The following KCNQ1 variants were observed in gnomAD, a reference collection of about 807,000 sequenced individuals.
KCNQ1 encodes the protein potassium voltage-gated channel subfamily Q member 1, also known as potassium voltage-gated channel subfamily KQT member 1.
KCNQ1 carries 49 observed loss-of-function variants against 72.4 expected under a neutral mutation model. That is an observed-to-expected ratio of 0.68 (90% CI 0.54 to 0.86). KCNQ1 has a LOEUF of 0.86. KCNQ1 is among the 40% of genes least tolerant of loss of function. The pLI is 0.00. For synonymous variants in KCNQ1, 450 were observed against 412.6 expected, an observed-to-expected ratio of 1.09 and a Z score of -1.10; for missense variants, 790 against 945.1, an observed-to-expected ratio of 0.84 and a Z score of 2.15.
At position 2,458,783 on chromosome 11, in the gene KCNQ1, C is replaced by A. The variant is rs954245676; in HGVS notation, c.386+13299C>A. 6.6e-6 allele frequency among the ~76,000 whole-genome samples: 1 copy of A among 152,186 alleles called. No individual in the cohort carries two copies. Among genetic ancestry groups the A allele is most frequent in the African/African-American group, 2.4e-5 (1 of 41,446 alleles). On this transcript the variant is annotated intron_variant, in intron 1 of 15. Transcript: ENST00000155840. The surrounding 1 kb of genome is among the most constrained non-coding windows in gnomAD (Gnocchi z 4.6). ...AAATGATACTACAGGAGGCCACTTG[C>A]AGAATCCCAGTGGTGGGGGATGGCT...
Position 2,715,592 on chromosome 11 carries a change from T to TC in KCNQ1, c.1515-53248dup, listed in dbSNP as rs1851079682. Reference sequence around the variant, plus strand: ...TCCTCTTCCACCACCCCTGCTGGGGTCCCCTGGGACCCATCCTTCCAAGCC... The same window carrying TC: ...TCCTCTTCCACCACCCCTGCTGGGGTCCCCCTGGGACCCATCCTTCCAAGCC... On this transcript the variant is annotated intron_variant, in intron 11 of 15. Coordinates refer to ENST00000155840, the MANE Select transcript of KCNQ1 (RefSeq NM_000218.3). This position sits in a 1 kb window ranked among gnomAD's most constrained non-coding sequence, Gnocchi z 4.9. Among the ~76,000 whole-genome samples the TC allele has an allele frequency of 6.6e-6, 1 of 151,874 alleles. No individual in the cohort carries two copies.
At chr11:2,572,155 A>G in intron 5 of KCNQ1, 46 bp downstream of exon 5, 1 of 1,446,138 alleles carries the variant, frequency 6.9e-7, no homozygotes, top group Middle Eastern at 1.8e-4. Flanking sequence ...TGGGGACAGG[A>G]CGGAGGGAGC....
intron 15 of KCNQ1, among the ~76,000 whole-genome samples, chr11:2,801,169 G>C (rs1847255417): frequency 6.6e-6 from 1 of 152,188 alleles, no homozygotes; most frequent in Admixed American, 6.5e-5. Flanking sequence ...TCTTTGCACA[G>C]ACCAGCCCCC....
chr11:2,606,892 A>ATTTTTTTTTT (rs869121696), intron 10 of KCNQ1, among the ~76,000 whole-genome samples: 1 of 82,766 alleles, frequency 1.2e-5, no homozygotes, highest in East Asian at 3.9e-4. Flanking sequence ...ATTATCTGTG[A>ATTTTTTTTTT]TTTTTTTTTT....
At chr11:2,790,599 TG>T (rs1313909934) in intron 15 of KCNQ1, among the ~76,000 whole-genome samples, 2 of 152,204 alleles carry the variant, frequency 1.3e-5, no homozygotes, top group Non-Finnish European at 2.9e-5. Flanking sequence ...AGCCAGTGGC[TG>T]GGGTGCAAGC....
intron 10 of KCNQ1, among the ~76,000 whole-genome samples, chr11:2,605,165 G>T (rs1848862058): frequency 6.6e-6 from 1 of 151,984 alleles, no homozygotes; most frequent in African/African-American, 2.4e-5. Context: ...TGAGTTGAAG[G>T]AGTTATTTAT....
chr11:2,836,596 T>A (rs1020850389), intron 15 of KCNQ1, among the ~76,000 whole-genome samples: 4 of 152,128 alleles, frequency 2.6e-5, no homozygotes, highest in Non-Finnish European at 5.9e-5. Flanking sequence ...TGGGTGGTGA[T>A]GTCAGCAATC....
At chr11:2,798,697 A>G (rs1330066779) in intron 15 of KCNQ1, among the ~76,000 whole-genome samples, 1 of 152,250 alleles carries the variant, frequency 6.6e-6, no homozygotes, top group Non-Finnish European at 1.5e-5. Flanking sequence ...CTGGAAATTA[A>G]TTACCCTTGC....
At position 2,815,028 on chromosome 11, in the gene KCNQ1, A is replaced by G. The variant is rs1286086855; in HGVS notation, c.1795-32739A>G. On this transcript the variant is annotated intron_variant, in intron 15 of 15. Coordinates refer to ENST00000155840, the MANE Select transcript of KCNQ1 (RefSeq NM_000218.3). This position sits in a 1 kb window ranked among gnomAD's most constrained non-coding sequence, Gnocchi z 5.4. ...AGCTTTCCTCATCCCGGCCTCATGC[A>G]CTGTGGGCAGGAGTTGTCCTAGCAA... Among the ~76,000 whole-genome samples, 1 of 152,192 alleles carries G rather than the reference A, an allele frequency of 6.6e-6. No homozygotes were observed. The highest frequency in any genetic ancestry group is 1.5e-5 in the Non-Finnish European group (1 of 68,034).
chr11:2,606,694 G>T, intron 10 of KCNQ1, among the ~76,000 whole-genome samples: 1 of 152,022 alleles, frequency 6.6e-6, no homozygotes, highest in Admixed American at 6.5e-5. Context: ...CACAAAACTG[G>T]ACCAGCACAA....
Position 2,624,882 on chromosome 11 carries a change from T to G in KCNQ1, c.1393+36028T>G, listed in dbSNP as rs1849239071. On this transcript the variant is annotated intron_variant, in intron 10 of 15. Coordinates refer to ENST00000155840, the MANE Select transcript of KCNQ1 (RefSeq NM_000218.3). This position sits in a 1 kb window ranked among gnomAD's most constrained non-coding sequence, Gnocchi z 4.9. ...CTGTATTTCATTTAACATAATGGCC[T>G]CGAGGTTCATCCATGTTGTGGCATG... is the stretch of plus-strand genomic sequence containing the variant. 5.0e-6 allele frequency: 2 copies of G among 398,614 alleles called. No homozygotes were observed. The allele number at this position is 398,614 out of a possible 1,614,324, so 24.7% of individuals were successfully genotyped here. A position where few individuals can be genotyped will look rare whatever the true frequency, so the allele number is the denominator to read the frequency against.
intron 10 of KCNQ1, among the ~76,000 whole-genome samples, chr11:2,606,101 A>G (rs754911550): frequency 6.6e-6 from 1 of 152,226 alleles, no homozygotes; most frequent in Non-Finnish European, 1.5e-5. Context: ...CATTAGGTAA[A>G]TTCGCACTGT....
rs1361072743 is a variant in KCNQ1, at chr11:2,677,934, T to C, written c.1514+15853T>C. 2 of 398,466 alleles carry C rather than the reference T, an allele frequency of 5.0e-6. No individual in the cohort carries two copies. Among genetic ancestry groups the C allele is most frequent in the Non-Finnish European group, 4.4e-6 (1 of 226,042 alleles). The allele number at this position is 398,466 out of a possible 1,614,324, so 24.7% of individuals were successfully genotyped here. On this transcript the variant is annotated intron_variant, in intron 11 of 15. Coordinates refer to ENST00000155840, the MANE Select transcript of KCNQ1 (RefSeq NM_000218.3). This position sits in a 1 kb window ranked among gnomAD's most constrained non-coding sequence, Gnocchi z 4.5. ...CAGGTTTTTATCTTCATTCATTTCA[T>C]AGATGAGAAATGGTACACTGGAGCT... is the stretch of plus-strand genomic sequence containing the variant.
Position 2,679,882 on chromosome 11 carries a change from C to T in KCNQ1, c.1514+17801C>T, listed in dbSNP as rs1476964244. On this transcript the variant is annotated intron_variant, in intron 11 of 15. Transcript: ENST00000155840. The surrounding 1 kb of genome is among the most constrained non-coding windows in gnomAD (Gnocchi z 4.8). The stretch of plus-strand genomic sequence containing the variant: ...TTCATATAAACTTAGAACTAGCACG[C>T]CTAATTTTTTTTTTATTTTTATTTT... 5.0e-6 allele frequency: 2 copies of T among 398,148 alleles called. No homozygotes were observed. Among genetic ancestry groups the T allele is most frequent in the Middle Eastern group, 6.3e-4 (1 of 1,588 alleles). The allele number at this position is 398,148 out of a possible 1,614,324, so 24.7% of individuals were successfully genotyped here.
rs1848235533 is a variant in KCNQ1, at chr11:2,565,564, A to G, written c.478-5064A>G. Among the ~76,000 whole-genome samples the G allele has an allele frequency of 6.6e-6, 1 of 152,184 alleles. No individual in the cohort carries two copies. The highest frequency in any genetic ancestry group is 6.5e-5 in the Admixed American group (1 of 15,282). ...CACGCCCCAGGATGGACATGGATTC[A>G]CACTCATGGTAGAACAGAGCTGAGG... On this transcript the variant is annotated intron_variant, in intron 2 of 15. Coordinates refer to ENST00000155840, the MANE Select transcript of KCNQ1 (RefSeq NM_000218.3). The surrounding 1 kb of genome is among the most constrained non-coding windows in gnomAD (Gnocchi z 5.6).
Position 2,544,674 on chromosome 11 carries a change from C to T in KCNQ1, c.477+16656C>T, listed in dbSNP as rs1847880147. 6.6e-6 allele frequency among the ~76,000 whole-genome samples: 1 copy of T among 152,134 alleles called. No individual in the cohort carries two copies. The highest frequency in any genetic ancestry group is 6.5e-5 in the Admixed American group (1 of 15,286). The stretch of plus-strand genomic sequence containing the variant: ...ACAAATTTATCTTGAATCTTGCAAC[C>T]TTTCTAAACTCATTTGTTCCAGTGG... On this transcript the variant is annotated intron_variant, in intron 2 of 15. Coordinates refer to ENST00000155840, the MANE Select transcript of KCNQ1 (RefSeq NM_000218.3). This position sits in a 1 kb window ranked among gnomAD's most constrained non-coding sequence, Gnocchi z 4.4.
chr11:2,688,251 T>G (rs1850525800), intron 11 of KCNQ1: 1 of 398,606 alleles, frequency 2.5e-6, no homozygotes, highest in Non-Finnish European at 4.4e-6. Flanking sequence ...CTGTTTGATC[T>G]GAGAGGGAGG....
At position 2,458,675 on chromosome 11, in the gene KCNQ1, G is replaced by GGATGGATGGATGGATGGATA. The variant is rs1564786580; in HGVS notation, c.386+13202_386+13203insGGATGGATAGATGGATGGAT. Among the ~76,000 whole-genome samples the GGATGGATGGATGGATGGATA allele has an allele frequency of 1.4e-5, 2 of 144,678 alleles. No individual in the cohort carries two copies. The highest frequency in any genetic ancestry group is 5.6e-5 in the African/African-American group (2 of 35,726). 94.9% of individuals were successfully genotyped at this position (144,678 alleles called of 152,430 possible). A position where few individuals can be genotyped will look rare whatever the true frequency, so the allele number is the denominator to read the frequency against. ...TGGATGGATGGATGGATGGATGGAT[G>GGATGGATGGATGGATGGATA]GATGGATGGATCGATCGATCTCACC... On this transcript the variant is annotated intron_variant, in intron 1 of 15. Coordinates refer to ENST00000155840, the MANE Select transcript of KCNQ1 (RefSeq NM_000218.3). This position sits in a 1 kb window ranked among gnomAD's most constrained non-coding sequence, Gnocchi z 4.6.
Position 2,588,564 on chromosome 11 carries a change from C to T in KCNQ1, c.1252-149C>T. ...GCCCTGCCCTGTCTCTGTGTGAAGA[C>T]ACTGGAGCTGGCCCCAGGCCTCAGG... On this transcript the variant is annotated intron_variant, in intron 9 of 15. Transcript: ENST00000155840. The surrounding 1 kb of genome is among the most constrained non-coding windows in gnomAD (Gnocchi z 5.6). 1.1e-6 allele frequency: 1 copy of T among 935,900 alleles called. No homozygotes were observed. Among genetic ancestry groups the T allele is most frequent in the Non-Finnish European group, 1.7e-6 (1 of 603,664 alleles). The allele number at this position is 935,900 out of a possible 1,614,324, so 58.0% of individuals were successfully genotyped here.
Sources: gnomAD v4.1 joint callset for allele counts (sites outside exome capture counted in the v4.1 genomes callset) on GRCh38, gnomAD v4.1.1 for gene constraint, Gnocchi (gnomAD v3.1) non-coding constraint, MANE v1.5 for transcripts, NCBI Gene and HGNC (gene_info 2026-07-23, HGNC 2026-07-21) for gene names.